RSRC2: variants seen among roughly 807,000 people sequenced by gnomAD.
The protein encoded by RSRC2 is arginine and serine rich coiled-coil 2, also known as arginine/serine-rich coiled-coil protein 2.
RSRC2 carries 5 observed loss-of-function variants against 61.3 expected under a neutral mutation model. That is an observed-to-expected ratio of 0.08 (90% confidence interval 0.04 to 0.17). The LOEUF (loss-of-function observed/expected upper bound fraction) is 0.17, where lower values mean the gene tolerates loss of function less well. Among genes scored for constraint, RSRC2 ranks in the 10% least tolerant of loss-of-function variants. RSRC2 has a pLI of 1.00. For synonymous variants in RSRC2, 202 were observed against 166.5 expected (o/e 1.21, Z -1.64); for missense variants, 381 against 518.8 (o/e 0.73, Z 2.58).
chr12:122,525,635 C>A (rs1392830236), intron 1 of RSRC2, among the ~76,000 whole-genome samples: 1 of 152,034 alleles, frequency 6.6e-6, no homozygotes, highest in Non-Finnish European at 1.5e-5. Context: ...ATTTTTTAGT[C>A]AGTAAAAAGG....
chr12:122,511,321 A>G, intron 6 of RSRC2, 133 bp from the exon 7 acceptor site: 3 of 561,826 alleles, frequency 5.3e-6, no homozygotes, highest in Non-Finnish European at 9.2e-6. Context: ...CTCCACCGAT[A>G]GCCGTATGTG....
At chr12:122,516,951 A>G (rs1958976509) in intron 5 of RSRC2, among the ~76,000 whole-genome samples, 1 of 152,116 alleles carries the variant, frequency 6.6e-6, no homozygotes, top group South Asian at 2.1e-4. Flanking sequence ...CCTCGTTGTG[A>G]TTACAGGTGT....
intron 3 of RSRC2, chr12:122,520,760 T>C: frequency 2.8e-6 from 1 of 361,236 alleles, no homozygotes; most frequent in Non-Finnish European, 5.4e-6. Flanking sequence ...TCTCCCTTTC[T>C]GGCTACTACT....
intron 1 of RSRC2, among the ~76,000 whole-genome samples, chr12:122,526,571 G>A (rs1345615686): frequency 1.3e-5 from 2 of 152,162 alleles, no homozygotes; most frequent in Non-Finnish European, 2.9e-5. Flanking sequence ...AAGCGAAAAT[G>A]GAGGAAGTTC....
At chr12:122,518,340 C>T (rs1432676647) in intron 4 of RSRC2, among the ~76,000 whole-genome samples, 5 of 152,018 alleles carry the variant, frequency 3.3e-5, no homozygotes, top group Admixed American at 1.3e-4. Context: ...CACCTGTAAT[C>T]CCAGCACTTT....
chr12:122,518,020 G>C (rs1413113655), intron 4 of RSRC2, among the ~76,000 whole-genome samples: 1 of 152,088 alleles, frequency 6.6e-6, no homozygotes, highest in African/African-American at 2.4e-5. Context: ...ATCTCAGCTG[G>C]GCAGAGTGAC....
chr12:122,509,688 A>G (rs1480900954), intron 7 of RSRC2, among the ~76,000 whole-genome samples: 1 of 152,198 alleles, frequency 6.6e-6, no homozygotes, highest in Non-Finnish European at 1.5e-5. Flanking sequence ...GATGTAGTAA[A>G]AATAAAATGG....
At chr12:122,523,478 T>C (rs1959549042) in intron 1 of RSRC2, 1 of 152,252 alleles carries the variant, frequency 6.6e-6, no homozygotes, top group Non-Finnish European at 1.5e-5. Context: ...ATTGCGCCAC[T>C]GCCCCTCCAG....
At chr12:122,506,745 G>C in intron 9 of RSRC2, 89 bp downstream of exon 9, 1 of 799,850 alleles carries the variant, frequency 1.3e-6, no homozygotes, top group East Asian at 2.5e-5. Flanking sequence ...TGACACCTGA[G>C]TAAAGACCAG....
rs78859394 is a variant in RSRC2 at position 122,508,962 on chromosome 12, A to C, written c.806-515T>G. Among the ~76,000 whole-genome samples, 873 of 145,158 alleles carry C rather than the reference A, an allele frequency of 6.0e-3. 4 individuals are homozygous for C. The highest frequency in any genetic ancestry group is 8.9e-3 in the Non-Finnish European group (596 of 66,988). On this transcript the variant is annotated intron_variant, in intron 7 of 9. Coordinates refer to ENST00000331738, the MANE Select transcript of RSRC2 (RefSeq NM_023012.6). ...CAAGAGCGAAACTCCGTATCAAAAC[A>C]AAAAAAAAACCCATTTATTTACTTT...
At chr12:122,517,114 C>G (rs1212129041) in intron 5 of RSRC2, 113 bp downstream of exon 5, 8 of 1,469,010 alleles carry the variant, frequency 5.4e-6, no homozygotes, top group Non-Finnish European at 6.5e-6. Flanking sequence ...AATAATTTTA[C>G]CATAATCTAT....
At chr12:122,506,717 G>A (rs760836501) in intron 9 of RSRC2, 117 bp downstream of exon 9, 3 of 681,710 alleles carry the variant, frequency 4.4e-6, no homozygotes, top group African/African-American at 1.8e-5. Context: ...AAGGTGGTGG[G>A]AAAGAACTCA....
At chr12:122,513,605 T>C (rs927050083) in intron 6 of RSRC2, among the ~76,000 whole-genome samples, 2 of 152,228 alleles carry the variant, frequency 1.3e-5, no homozygotes, top group African/African-American at 4.8e-5. Flanking sequence ...TTAATGAAAT[T>C]ACAATCTAGC....
intron 8 of RSRC2, chr12:122,507,970 T>C (rs1049380169): frequency 7.2e-5 from 38 of 524,402 alleles, no homozygotes; most frequent in Non-Finnish European, 5.8e-5. Context: ...CCAGCTGATT[T>C]TTATCTTCTT....
intron 6 of RSRC2, among the ~76,000 whole-genome samples, chr12:122,514,222 C>T (rs1958735523): frequency 6.7e-6 from 1 of 150,012 alleles, no homozygotes; most frequent in South Asian, 2.1e-4. Flanking sequence ...CACCATTACT[C>T]ATCTTTGAAA....
intron 6 of RSRC2, among the ~76,000 whole-genome samples, chr12:122,513,294 T>C (rs879498669): frequency 1.3e-5 from 2 of 151,208 alleles, no homozygotes; most frequent in African/African-American, 4.8e-5. Flanking sequence ...AGATCTGAAA[T>C]GTATTTCCTA....
At chr12:122,512,327 G>A (rs572097988) in intron 6 of RSRC2, among the ~76,000 whole-genome samples, 13 of 152,256 alleles carry the variant, frequency 8.5e-5, no homozygotes, top group East Asian at 1.9e-4. Flanking sequence ...TGCCACTAAC[G>A]CCCTCTGTAA....
chr12:122,525,386 C>T (rs1344066013), intron 1 of RSRC2, among the ~76,000 whole-genome samples: 1 of 151,762 alleles, frequency 6.6e-6, no homozygotes, highest in Non-Finnish European at 1.5e-5. Flanking sequence ...CGAAAAAATA[C>T]AAAAAAACCT....
In RSRC2 at chr12:122,507,842, T is replaced by C. The variant is rs1958222842; in HGVS notation, c.1035+376A>G. The C allele has an allele frequency of 2.4e-5, 6 of 247,260 alleles. No homozygotes were observed. The South Asian group carries it at 2.8e-4, about 12-fold the overall frequency. 15.3% of individuals were successfully genotyped at this position (247,260 alleles called of 1,614,324 possible). On this transcript the variant is annotated intron_variant, in intron 8 of 9. Transcript: ENST00000331738. ...CTGGGATTACAGGTGCCCACCACCA[T>C]GCCTGGCTAAGTGGCATGATCTTGG...
Sources: gnomAD v4.1 joint callset for allele counts (sites outside exome capture counted in the v4.1 genomes callset) on GRCh38, gnomAD v4.1.1 for gene constraint, MANE v1.5 for transcripts, NCBI Gene and HGNC (gene_info 2026-07-23, HGNC 2026-07-21) for gene names.